The following INSYN2A variants were observed in gnomAD, a reference collection of about 807,000 sequenced individuals.
INSYN2A encodes the protein family with sequence similarity 196 member A.
In INSYN2A, 17 loss-of-function variants were observed where a neutral mutation model predicts 39.4. That is an observed-to-expected ratio of 0.43 (90% CI 0.30 to 0.65). INSYN2A has a LOEUF of 0.65. Among genes scored for constraint, INSYN2A ranks in the 30% least tolerant of loss-of-function variants. The pLI is 0.14. For synonymous variants in INSYN2A, 255 were observed against 265.7 expected (o/e 0.96, Z 0.39); for missense variants, 595 against 631.2 (o/e 0.94, Z 0.61).
rs2050769531 is a variant in INSYN2A at position 127,137,138 on chromosome 10, C to T, written c.*699G>A. Reference sequence around the variant, plus strand: ...AGGCATATCCTGACTTTGGGGGACTCCTGGCTGCTGGCCATTTGGAAAATG... The same window carrying T: ...AGGCATATCCTGACTTTGGGGGACTTCTGGCTGCTGGCCATTTGGAAAATG... On this transcript the variant is annotated 3_prime_UTR_variant, in exon 6 of 6. Transcript: ENST00000522781. 6.6e-6 allele frequency: 1 copy of T among 152,586 alleles called. No individual in the cohort carries two copies. 9.5% of individuals were successfully genotyped at this position (152,586 alleles called of 1,614,324 possible).
At chr10:127,154,030 G>T (rs954866623) in intron 4 of INSYN2A, 107 bp from the exon 5 acceptor site, 3 of 777,348 alleles carry the variant, frequency 3.9e-6, no homozygotes, top group African/African-American at 1.7e-5. Context: ...GCTCATCATG[G>T]TCATGGAAAT....
chr10:127,175,839 T>C lies in INSYN2A; in HGVS notation c.557A>G (p.Gln186Arg). The C allele has an allele frequency of 3.1e-6, 5 of 1,614,166 alleles. No homozygotes were observed. Among genetic ancestry groups the C allele is most frequent in the Non-Finnish European group, 4.2e-6 (5 of 1,180,010 alleles). The change falls in exon 4 of 6, where the codon CAG becomes CGG. Residue 186 changes from glutamine to arginine, a missense_variant. Physicochemically the swap from Gln to Arg is conservative, Grantham distance 43. Transcript: ENST00000522781. This position sits in a 1 kb window ranked among gnomAD's most constrained non-coding sequence, Gnocchi z 6.3. ...HSNQHMNTVD[Q>R]PLGVNCTEPC... is the part of the protein sequence containing the mutation. ...CTCTGTGCAGTTGACCCCCAAAGGC[T>C]GGTCCACTGTGTTCATGTGTTGGTT... is the stretch of plus-strand genomic sequence containing the variant.
intron 5 of INSYN2A, among the ~76,000 whole-genome samples, chr10:127,139,850 A>C (rs1008441673): frequency 6.6e-6 from 1 of 152,224 alleles, no homozygotes; most frequent in Non-Finnish European, 1.5e-5. Flanking sequence ...CTAAACTGTA[A>C]GATGCAATTT....
chr10:127,143,353 T>A (rs1390157792), intron 5 of INSYN2A, among the ~76,000 whole-genome samples: 1 of 152,212 alleles, frequency 6.6e-6, no homozygotes, highest in East Asian at 1.9e-4. Context: ...CTGCCTTTAA[T>A]TCTCTTTGAA....
chr10:127,160,500 A>G (rs187962633), intron 4 of INSYN2A, among the ~76,000 whole-genome samples: 15 of 152,322 alleles, frequency 9.8e-5, no homozygotes, highest in Admixed American at 2.0e-4. Flanking sequence ...CAAGTGACCC[A>G]GTTGTTGATT....
rs186988969 is a variant in INSYN2A at position 127,191,250 on chromosome 10, C to T, written c.-269+1355G>A. On this transcript the variant is annotated intron_variant, in intron 2 of 5. Coordinates refer to ENST00000522781, the MANE Select transcript of INSYN2A (RefSeq NM_001039762.3). ...CTACCTGGGAGTCTTTAGGCTCCTG[C>T]CACTTCCTTGCCACCTCCTCCCCTC... 4.5e-3 allele frequency among the ~76,000 whole-genome samples: 681 copies of T among 152,218 alleles called. 6 individuals are homozygous for T. The highest frequency in any genetic ancestry group is 0.016 in the African/African-American group (652 of 41,544).
intron 4 of INSYN2A, 31 bp from the exon 5 acceptor site, chr10:127,153,954 G>A (rs1036319833): frequency 6.4e-7 from 1 of 1,565,290 alleles, no homozygotes; most frequent in African/African-American, 1.4e-5. Context: ...AGCATTACAA[G>A]CGGTGGCTGG....
chr10:127,174,227 A>G (rs568179329), intron 4 of INSYN2A, among the ~76,000 whole-genome samples: 1 of 152,340 alleles, frequency 6.6e-6, no homozygotes, highest in East Asian at 1.9e-4. Flanking sequence ...TGCACATCAC[A>G]TGAGGCAACA....
chr10:127,160,500 A>T (rs187962633), intron 4 of INSYN2A, among the ~76,000 whole-genome samples: 1 of 152,204 alleles, frequency 6.6e-6, no homozygotes, highest in Admixed American at 6.5e-5. Flanking sequence ...CAAGTGACCC[A>T]GTTGTTGATT....
At chr10:127,166,062 CTTAT>C (rs545769676) in intron 4 of INSYN2A, among the ~76,000 whole-genome samples, 43 of 152,122 alleles carry the variant, frequency 2.8e-4, no homozygotes, top group Admixed American at 1.7e-3. Context: ...CCTGCATTTT[CTTAT>C]TTATTTATTT....
At position 127,175,467 on chromosome 10, in the gene INSYN2A, G is replaced by C. The variant is rs759630403; in HGVS notation, c.929C>G (p.Pro310Arg). The part of the protein sequence containing the change: ...PSETALACSP[P>R]MQCLSPECSE... ...ACATTCGGGGGACAGGCACTGCATC[G>C]GGGGTGAGCAGGCCAGGGCAGTTTC... is the stretch of plus-strand genomic sequence containing the variant. The change falls in exon 4 of 6, where the codon CCG becomes CGG. Residue 310 changes from proline to arginine, a missense_variant. This residue lies in a region of INSYN2A where 478 missense variants were observed against 467.4 expected (regional missense o/e 1.02). Coordinates refer to ENST00000522781, the MANE Select transcript of INSYN2A (RefSeq NM_001039762.3). This position sits in a 1 kb window ranked among gnomAD's most constrained non-coding sequence, Gnocchi z 6.3. The C allele has an allele frequency of 3.1e-6, 5 of 1,610,002 alleles. No individual in the cohort carries two copies. The Admixed American group carries it at 6.7e-5, about 21-fold the overall frequency.
chr10:127,154,681 T>C (rs1025156379), intron 4 of INSYN2A, among the ~76,000 whole-genome samples: 12 of 152,248 alleles, frequency 7.9e-5, no homozygotes, highest in Admixed American at 3.9e-4. Flanking sequence ...TCCCTGGCTT[T>C]ATTCTCTGGT....
intron 1 of INSYN2A, among the ~76,000 whole-genome samples, chr10:127,195,528 C>CA: frequency 6.6e-6 from 1 of 152,124 alleles, no homozygotes; most frequent in South Asian, 2.1e-4. Context: ...ACTCATCCCC[C>CA]CCCCGAAGTT....
Position 127,187,054 on chromosome 10 carries a change from C to T in INSYN2A, c.-269+5551G>A, listed in dbSNP as rs75963577. ...ACCCCATCTCCTGTCCAGAAGGGAACGTGACAATTCACCCCGGGGCAAAAC... is the reference window on the plus strand; with the variant it reads ...ACCCCATCTCCTGTCCAGAAGGGAATGTGACAATTCACCCCGGGGCAAAAC... On this transcript the variant is annotated intron_variant, in intron 2 of 5. Coordinates refer to ENST00000522781, the MANE Select transcript of INSYN2A (RefSeq NM_001039762.3). Among the ~76,000 whole-genome samples, 1,350 of 152,308 alleles carry T rather than the reference C, an allele frequency of 8.9e-3. 25 individuals carry two copies. Among genetic ancestry groups the T allele is most frequent in the African/African-American group, 0.03 (1,267 of 41,556 alleles).
At chr10:127,159,311 C>T (rs1218134976) in intron 4 of INSYN2A, among the ~76,000 whole-genome samples, 2 of 152,112 alleles carry the variant, frequency 1.3e-5, no homozygotes, top group Non-Finnish European at 2.9e-5. Context: ...CTAGTCAGGG[C>T]TACCTCTCTG....
At chr10:127,185,179 G>T (rs147588451) in intron 2 of INSYN2A, among the ~76,000 whole-genome samples, 1 of 152,124 alleles carries the variant, frequency 6.6e-6, no homozygotes, top group African/African-American at 2.4e-5. Flanking sequence ...TGTGGAGTAG[G>T]TCCCTCTAAG....
At chr10:127,147,657 A>T (rs1249937994) in intron 5 of INSYN2A, among the ~76,000 whole-genome samples, 1 of 152,062 alleles carries the variant, frequency 6.6e-6, no homozygotes, top group East Asian at 1.9e-4. Flanking sequence ...GGTCCCTTGA[A>T]AAACACCTGT....
chr10:127,166,818 T>A (rs968444985), intron 4 of INSYN2A, among the ~76,000 whole-genome samples: 5 of 152,156 alleles, frequency 3.3e-5, no homozygotes, highest in Admixed American at 2.0e-4. Context: ...ATCCATAAAT[T>A]CCATAAATGT....
chr10:127,186,504 A>ACCCCCC (rs1216809857), intron 2 of INSYN2A, among the ~76,000 whole-genome samples: 4 of 9,020 alleles, frequency 4.4e-4, no homozygotes, highest in Admixed American at 8.0e-4. Flanking sequence ...CATGGGAGAA[A>ACCCCCC]CCGCCCCCCC....
Sources: gnomAD v4.1 joint callset for allele counts (sites outside exome capture counted in the v4.1 genomes callset) on GRCh38, gnomAD v4.1.1 for gene constraint, gnomAD v4.1.1 regional missense constraint, Gnocchi (gnomAD v3.1) non-coding constraint, MANE v1.5 for transcripts, NCBI Gene and HGNC (gene_info 2026-07-23, HGNC 2026-07-21) for gene names.